The following PAPOLG variants were observed in gnomAD, a reference collection of about 807,000 sequenced individuals.
PAPOLG encodes the protein PAP-gamma.
In PAPOLG, 40 loss-of-function variants were observed where a neutral mutation model predicts 99.0. The ratio of observed to expected loss-of-function variants is 0.40; its 90% confidence interval spans 0.31 to 0.53. The LOEUF is 0.53. Ranked by LOEUF, PAPOLG falls within the 20% of genes least tolerant of loss-of-function variation. The probability of loss-of-function intolerance (pLI) is 0.41; values close to 1 mark genes in which losing one functional copy is unlikely to be tolerated. For synonymous variants in PAPOLG, 310 were observed against 299.3 expected, an observed-to-expected ratio of 1.04 and a Z score of -0.37; for missense variants, 675 against 884.1, an observed-to-expected ratio of 0.76 and a Z score of 3.00.
In PAPOLG at chr2:60,770,446, C is replaced by T. The variant is rs767256921; in HGVS notation, c.439-12C>T. On this transcript the variant is annotated splice_polypyrimidine_tract_variant and intron_variant, in intron 5 of 21. Coordinates refer to ENST00000238714, the MANE Select transcript of PAPOLG (RefSeq NM_022894.4). ...TACACCTATGTGTTATAATTGTTTT[C>T]CTTTTTTGTAGGCTGTAGAAGATGC... 32 of 1,588,562 alleles carry T rather than the reference C, an allele frequency of 2.0e-5. 1 individual carries two copies. The South Asian group carries it at 3.4e-4, about 17-fold the overall frequency.
intron 9 of PAPOLG, 115 bp from the exon 10 acceptor site, chr2:60,780,592 C>A: frequency 1.8e-6 from 2 of 1,119,566 alleles, no homozygotes; most frequent in Non-Finnish European, 2.6e-6. Context: ...TCCTTTAATA[C>A]CAAATACCCA....
In PAPOLG at chr2:60,776,894, G is replaced by A. The variant is rs113894816; in HGVS notation, c.694+1771G>A. On this transcript the variant is annotated intron_variant, in intron 8 of 21. Coordinates refer to ENST00000238714, the MANE Select transcript of PAPOLG (RefSeq NM_022894.4). The stretch of plus-strand genomic sequence containing the variant: ...CATTGATAATTTGTTGTTTAGTGTA[G>A]CCACCTTCATCAATGATTTTAACTA... Among the ~76,000 whole-genome samples the A allele has an allele frequency of 2.1e-3, 314 of 152,248 alleles. 1 individual carries two copies. The highest frequency in any genetic ancestry group is 7.1e-3 in the African/African-American group (296 of 41,530).
In PAPOLG at chr2:60,760,263, A is replaced by C; in HGVS notation, c.147A>C (p.Gly49=). 1 of 1,613,962 alleles carries C rather than the reference A, an allele frequency of 6.2e-7. No individual in the cohort carries two copies. Among genetic ancestry groups the C allele is most frequent in the Non-Finnish European group, 8.5e-7 (1 of 1,179,916 alleles). ...TAATTGACGCCATGAAACCATTTGG[A>C]GTGTTTGAAGATGAGGAAGAATTGA... ...QKLIDAMKPF[G]VFEDEEELNH... Residue 49 remains glycine (G), a synonymous_variant, in exon 2 of 22, where the codon GGA becomes GGC. Coordinates refer to ENST00000238714, the MANE Select transcript of PAPOLG (RefSeq NM_022894.4).
At chr2:60,784,119 C>T (rs1249950692) in intron 13 of PAPOLG, among the ~76,000 whole-genome samples, 2 of 152,030 alleles carry the variant, frequency 1.3e-5, no homozygotes, top group African/African-American at 2.4e-5. Context: ...ATTACAAGCA[C>T]CCACCACCAC....
chr2:60,788,047 GA>G (rs956336828), intron 15 of PAPOLG, among the ~76,000 whole-genome samples: 9 of 144,562 alleles, frequency 6.2e-5, no homozygotes, highest in Non-Finnish European at 1.4e-4. Flanking sequence ...CTCAAAAAAA[GA>G]AAAAAAGAAA....
intron 10 of PAPOLG, among the ~76,000 whole-genome samples, chr2:60,781,135 C>T (rs1251837594): frequency 6.6e-6 from 1 of 152,160 alleles, no homozygotes; most frequent in Non-Finnish European, 1.5e-5. Context: ...GCGGGTGGAT[C>T]ACCTGCGGTC....
chr2:60,772,266 G>A (rs1356328277), intron 7 of PAPOLG, among the ~76,000 whole-genome samples: 1 of 152,052 alleles, frequency 6.6e-6, no homozygotes, highest in Non-Finnish European at 1.5e-5. Context: ...ATAACATGGT[G>A]AAACCCCATC....
At chr2:60,779,544 C>T (rs1017990143) in intron 8 of PAPOLG, 93 bp from the exon 9 acceptor site, 11 of 1,336,058 alleles carry the variant, frequency 8.2e-6, no homozygotes, top group Middle Eastern at 4.0e-4. Flanking sequence ...TTGAATGTCA[C>T]GGATATTCAT....
intron 16 of PAPOLG, 119 bp downstream of exon 16, chr2:60,792,001 A>C: frequency 4.8e-6 from 7 of 1,456,290 alleles, no homozygotes; most frequent in Non-Finnish European, 6.5e-6. Flanking sequence ...TAGGCAGTTC[A>C]ATCTAGGACT....
intron 3 of PAPOLG, among the ~76,000 whole-genome samples, chr2:60,762,189 GC>G (rs1168916061): frequency 6.6e-6 from 1 of 152,040 alleles, no homozygotes; most frequent in African/African-American, 2.4e-5. Context: ...TTGCCTCATG[GC>G]CCCCACCACT....
Position 60,797,416 on chromosome 2 carries a change from C to G in PAPOLG, c.*256C>G, listed in dbSNP as rs1481479603. ...TGCCATCTACAGTATTACAGCTTTG[C>G]ATTTGGGGGTTTTACTGCCTTAACT... On this transcript the variant is annotated 3_prime_UTR_variant, in exon 22 of 22. Transcript: ENST00000238714. 2.3e-6 allele frequency: 1 copy of G among 430,602 alleles called. No homozygotes were observed. The highest frequency in any genetic ancestry group is 2.0e-5 in the African/African-American group (1 of 49,682). The allele number at this position is 430,602 out of a possible 1,614,324, so 26.7% of individuals were successfully genotyped here.
chr2:60,794,435 C>T (rs1369942601), intron 19 of PAPOLG: 1 of 574,770 alleles, frequency 1.7e-6, no homozygotes, highest in Non-Finnish European at 3.0e-6. Flanking sequence ...AACAAAATCT[C>T]ATTTCTTGTG....
chr2:60,787,307 A>G (rs1003629179), intron 14 of PAPOLG, among the ~76,000 whole-genome samples: 1 of 152,176 alleles, frequency 6.6e-6, no homozygotes, highest in African/African-American at 2.4e-5. Flanking sequence ...TTAGTAAGTC[A>G]TTTTCATAGC....
In PAPOLG at chr2:60,794,781, T is replaced by C; in HGVS notation, c.2055+6T>C. 1 of 1,594,418 alleles carries C rather than the reference T, an allele frequency of 6.3e-7. No homozygotes were observed. The highest frequency in any genetic ancestry group is 1.1e-5 in the South Asian group (1 of 90,574). On this transcript the variant is annotated splice_donor_region_variant and intron_variant, in intron 20 of 21. Coordinates refer to ENST00000238714, the MANE Select transcript of PAPOLG (RefSeq NM_022894.4). ...AAAGAAAAAGAAAATCAGTGGTAAA[T>C]ATATTAATAGTGTGCTTCAGAATAT...
intron 8 of PAPOLG, among the ~76,000 whole-genome samples, chr2:60,776,615 A>G (rs1198395744): frequency 6.6e-6 from 1 of 151,834 alleles, no homozygotes; most frequent in East Asian, 1.9e-4. Context: ...TTTAGTAGAG[A>G]TAGGGTTTTA....
chr2:60,771,487 A>AT, intron 6 of PAPOLG, 32 bp from the exon 7 acceptor site: 2 of 1,564,804 alleles, frequency 1.3e-6, no homozygotes, highest in Non-Finnish European at 1.7e-6. Flanking sequence ...AGAAAATGTA[A>AT]TTTTTTTCTC....
intron 7 of PAPOLG, among the ~76,000 whole-genome samples, chr2:60,772,113 A>G (rs1670870694): frequency 6.6e-6 from 1 of 151,680 alleles, no homozygotes; most frequent in South Asian, 2.1e-4. Context: ...ATTTGTGTCT[A>G]CAATTGATTG....
Position 60,799,831 on chromosome 2 carries a change from G to T in PAPOLG, c.*2671G>T, listed in dbSNP as rs906458997. On this transcript the variant is annotated 3_prime_UTR_variant, in exon 22 of 22. Coordinates refer to ENST00000238714, the MANE Select transcript of PAPOLG (RefSeq NM_022894.4). Reference sequence around the variant, plus strand: ...GTACAGACAGCGTTTCACCATGTTGGCCAGGCTGGTCTCGAACTTGTGACC... The same window carrying T: ...GTACAGACAGCGTTTCACCATGTTGTCCAGGCTGGTCTCGAACTTGTGACC... 6.6e-6 allele frequency: 1 copy of T among 152,070 alleles called. No homozygotes were observed. Among genetic ancestry groups the T allele is most frequent in the East Asian group, 1.9e-4 (1 of 5,180 alleles). The allele number at this position is 152,070 out of a possible 1,614,324, so 9.4% of individuals were successfully genotyped here.
intron 1 of PAPOLG, among the ~76,000 whole-genome samples, chr2:60,757,227 TGCACACAC>T (rs1301115943): frequency 6.6e-6 from 1 of 152,194 alleles, no homozygotes; most frequent in East Asian, 1.9e-4. Flanking sequence ...TACACGTACA[TGCACACAC>T]GCACACACAC....
Sources: gnomAD v4.1 joint callset for allele counts (sites outside exome capture counted in the v4.1 genomes callset) on GRCh38, gnomAD v4.1.1 for gene constraint, MANE v1.5 for transcripts, NCBI Gene and HGNC (gene_info 2026-07-23, HGNC 2026-07-21) for gene names.